The following KATNIP variants were observed in gnomAD, a reference collection of about 807,000 sequenced individuals.
KATNIP encodes the protein katanin interacting protein.
A neutral mutation model predicts 174.0 loss-of-function variants in KATNIP; 126 were observed. The ratio of observed to expected loss-of-function variants is 0.72; its 90% CI spans 0.63 to 0.84. KATNIP has a LOEUF of 0.84. Among genes scored for constraint, KATNIP ranks in the 40% least tolerant of loss-of-function variants. The pLI, the probability that KATNIP is intolerant of heterozygous loss-of-function variation, is 0.00. For missense variants in KATNIP, 1,958 were observed against 2,109.7 expected, an observed-to-expected ratio of 0.93 and a Z score of 1.41; for synonymous variants, 810 against 835.7, an observed-to-expected ratio of 0.97 and a Z score of 0.53.
intron 6 of KATNIP, among the ~76,000 whole-genome samples, chr16:27,651,293 T>A (rs1258818775): frequency 6.6e-6 from 1 of 152,302 alleles, no homozygotes; most frequent in African/African-American, 2.4e-5. Context: ...TTCTTTTTTT[T>A]CCCCATCTTG....
Position 27,648,681 on chromosome 16 carries a change from G to A in KATNIP, c.486G>A (p.Glu162=), listed in dbSNP as rs763258327. The stretch of plus-strand genomic sequence containing the variant: ...CTGTGGACTATTCTGATGATTTTGA[G>A]CTGTGTGGGGATGTGACTCTCCAGG... The part of the protein sequence containing the change: ...EPPVDYSDDF[E]LCGDVTLQAN... Residue 162 remains glutamate (E), a synonymous_variant, in exon 6 of 28, where the codon GAG becomes GAA. Coordinates refer to ENST00000261588, the MANE Select transcript of KATNIP (RefSeq NM_015202.5). 6 of 1,614,080 alleles carry A rather than the reference G, an allele frequency of 3.7e-6. No homozygotes were observed. The African/African-American group carries it at 5.3e-5, about 14-fold the overall frequency.
intron 1 of KATNIP, among the ~76,000 whole-genome samples, chr16:27,562,543 G>T (rs1008623614): frequency 6.6e-6 from 1 of 152,146 alleles, no homozygotes; most frequent in African/African-American, 2.4e-5. Flanking sequence ...TTTGGGAGGT[G>T]CAGATACTCA....
intron 2 of KATNIP, among the ~76,000 whole-genome samples, chr16:27,611,066 T>A (rs945065002): frequency 1.3e-5 from 2 of 152,210 alleles, no homozygotes; most frequent in African/African-American, 2.4e-5. Context: ...TCTGACCACC[T>A]TGGGCAAATG....
rs76654946 is a variant in KATNIP at position 27,698,503 on chromosome 16, G to A, written c.1113+3G>A. The A allele has an allele frequency of 2.5e-6, 4 of 1,602,572 alleles. No homozygotes were observed. In the East Asian group the frequency reaches 9.0e-5, roughly 36 times the overall value. On this transcript the variant is annotated splice_donor_region_variant and intron_variant, in intron 9 of 27. Transcript: ENST00000261588. ...AGCAGCCAGCCAGCCCACTGCAGGT[G>A]CGCTCCGGGCTGGGAGAGGAACCGG...
At chr16:27,746,272 TG>T (rs1210582364) in intron 15 of KATNIP, among the ~76,000 whole-genome samples, 4 of 152,202 alleles carry the variant, frequency 2.6e-5, no homozygotes. Flanking sequence ...GCTGTCTCCT[TG>T]GTGCGCTTGC....
chr16:27,740,268 C>T lies in KATNIP; in HGVS notation c.1971C>T (p.Leu657=), dbSNP rs533625540. ...CCAGCGGGGACAAGGAGCTTGGTCTCGGTTGCTCACCGCCAGCTGAAACAT... is the reference window on the plus strand; with the variant it reads ...CCAGCGGGGACAAGGAGCTTGGTCTTGGTTGCTCACCGCCAGCTGAAACAT... ...AGASGDKELG[L]GCSPPAETLA... Residue 657 remains leucine, a synonymous_variant, in exon 15 of 28, where the codon CTC becomes CTT. Transcript: ENST00000261588. The T allele has an allele frequency of 1.2e-4, 196 of 1,614,120 alleles. No individual in the cohort carries two copies. The highest frequency in any genetic ancestry group is 1.6e-4 in the Middle Eastern group (1 of 6,084).
chr16:27,772,221 C>T (rs1364552582), intron 22 of KATNIP, among the ~76,000 whole-genome samples: 1 of 152,134 alleles, frequency 6.6e-6, no homozygotes, highest in Non-Finnish European at 1.5e-5. Flanking sequence ...GCAGTGAGCT[C>T]TGATTGCACC....
chr16:27,597,024 AAAAT>A (rs1230639760), intron 2 of KATNIP, among the ~76,000 whole-genome samples: 1 of 152,110 alleles, frequency 6.6e-6, no homozygotes, highest in African/African-American at 2.4e-5. Flanking sequence ...ATGTCTCAAA[AAAAT>A]AAATAAATAA....
intron 21 of KATNIP, among the ~76,000 whole-genome samples, chr16:27,770,349 G>A (rs1004134158): frequency 3.3e-5 from 5 of 152,186 alleles, no homozygotes; most frequent in East Asian, 1.9e-4. Flanking sequence ...TCCTTCTCCC[G>A]TTTCTGTGTT....
intron 5 of KATNIP, among the ~76,000 whole-genome samples, chr16:27,642,172 A>G (rs1359989707): frequency 1.3e-5 from 2 of 152,236 alleles, no homozygotes; most frequent in Non-Finnish European, 2.9e-5. Flanking sequence ...TGTGGCACAT[A>G]TACACCATGG....
chr16:27,663,837 GGTCCTGTTCT>G (rs1396349652), intron 6 of KATNIP, among the ~76,000 whole-genome samples: 1 of 151,590 alleles, frequency 6.6e-6, no homozygotes, highest in Non-Finnish European at 1.5e-5. Context: ...TTTAAGACAG[GGTCCTGTTCT>G]GTCACCCAGA....
At chr16:27,704,698 G>A (rs556786153) in intron 12 of KATNIP, among the ~76,000 whole-genome samples, 17 of 152,196 alleles carry the variant, frequency 1.1e-4, no homozygotes, top group African/African-American at 3.6e-4. Flanking sequence ...CTATCATTAC[G>A]AGACGATGCA....
rs115419381 is a variant in KATNIP at position 27,654,770 on chromosome 16, G to A, written c.540+6035G>A. On this transcript the variant is annotated intron_variant, in intron 6 of 27. Coordinates refer to ENST00000261588, the MANE Select transcript of KATNIP (RefSeq NM_015202.5). Reference sequence around the variant, plus strand: ...AGTTTTCAGCATCCTAACCCCTAAGGGCTGGGGATCTTTTCCGTAGCCAAG... The same window carrying A: ...AGTTTTCAGCATCCTAACCCCTAAGAGCTGGGGATCTTTTCCGTAGCCAAG... The A allele has an allele frequency of 1.9e-3, 2,626 of 1,351,024 alleles. 40 individuals carry two copies. The African/African-American group carries it at 0.036, about 18-fold the overall frequency. 83.7% of individuals were successfully genotyped at this position (1,351,024 alleles called of 1,614,324 possible). A position where few individuals can be genotyped will look rare whatever the true frequency, so the allele number is the denominator to read the frequency against.
intron 8 of KATNIP, among the ~76,000 whole-genome samples, chr16:27,684,968 A>G (rs974988134): frequency 1.6e-4 from 25 of 152,184 alleles, no homozygotes; most frequent in Non-Finnish European, 3.1e-4. Context: ...AACCCATAAT[A>G]TATGCTTTCA....
Position 27,777,674 on chromosome 16 carries a change from G to C in KATNIP, c.4616G>C (p.Gly1539Ala). 6.2e-7 allele frequency: 1 copy of C among 1,613,970 alleles called. No homozygotes were observed. Among genetic ancestry groups the C allele is most frequent in the Non-Finnish European group, 8.5e-7 (1 of 1,179,956 alleles). ...ILAMVSHLVG[G>A]ILPTCEPTVP... ...GCCATGGTGAGCCACCTGGTGGGGG[G>C]CATCCTGCCCACATGTGAGCCCACC... Residue 1539 changes from glycine to alanine, a missense_variant, in exon 26 of 28, where the codon GGC becomes GCC. Gly to Ala is a moderately conservative substitution (Grantham distance 60, BLOSUM62 0). Transcript: ENST00000261588. This position sits in a 1 kb window ranked among gnomAD's most constrained non-coding sequence, Gnocchi z 4.4.
chr16:27,625,182 G>A (rs2076297381), intron 3 of KATNIP, among the ~76,000 whole-genome samples: 1 of 152,182 alleles, frequency 6.6e-6, no homozygotes, highest in African/African-American at 2.4e-5. Context: ...TTGCAGTAGG[G>A]GAGTTCCTTT....
rs758455153 is a variant in KATNIP, at chr16:27,750,199, A to G, written c.3239A>G (p.Lys1080Arg). Residue 1080 changes from lysine (K) to arginine (R), a missense_variant, in exon 16 of 28, where the codon AAA (lysine) becomes AGA (arginine). Physicochemically the swap from Lys to Arg is conservative, Grantham distance 26 (BLOSUM62 2). Coordinates refer to ENST00000261588, the MANE Select transcript of KATNIP (RefSeq NM_015202.5). ...CTGATCAGAATTTGGAACTACAATA[A>G]ATCTCGGATACATTCCTTCCGAGGC... ...VALIRIWNYN[K>R]SRIHSFRGVK... 5 of 1,614,054 alleles carry G rather than the reference A, an allele frequency of 3.1e-6. No individual in the cohort carries two copies. The Middle Eastern group carries it at 4.9e-4, about 160-fold the overall frequency.
chr16:27,725,333 G>A (rs938594961), intron 14 of KATNIP, among the ~76,000 whole-genome samples: 2 of 152,178 alleles, frequency 1.3e-5, no homozygotes, highest in African/African-American at 2.4e-5. Context: ...ATGGCAAATC[G>A]GCTGTGTCTC....
chr16:27,696,963 A>G (rs2078934879), intron 8 of KATNIP, among the ~76,000 whole-genome samples: 1 of 152,088 alleles, frequency 6.6e-6, no homozygotes, highest in African/African-American at 2.4e-5. Context: ...TCCTGACTTC[A>G]GGTGATCCAC....
Sources: allele counts gnomAD v4.1 joint callset (sites outside exome capture counted in the v4.1 genomes callset), GRCh38; gene constraint gnomAD v4.1.1; non-coding constraint Gnocchi (gnomAD v3.1); transcripts MANE v1.5; gene names NCBI Gene and HGNC (gene_info 2026-07-23, HGNC 2026-07-21).